Variants in FAM107B observed in about 807,000 individuals in gnomAD.
FAM107B encodes protein FAM107B.
In FAM107B, 21 loss-of-function variants were observed where a neutral mutation model predicts 31.5. That is an observed-to-expected ratio of 0.67 (90% CI 0.47 to 0.96). FAM107B has a LOEUF of 0.96. Ranked by LOEUF, FAM107B falls within the 40% of genes least tolerant of loss-of-function variation. FAM107B has a pLI of 0.00. For missense variants in FAM107B, 452 were observed against 377.1 expected, an observed-to-expected ratio of 1.20 and a Z score of -1.64; for synonymous variants, 157 against 141.5, an observed-to-expected ratio of 1.11 and a Z score of -0.78.
At chr10:14,633,523 T>C (rs1474343467) in intron 2 of FAM107B, among the ~76,000 whole-genome samples, 1 of 152,214 alleles carries the variant, frequency 6.6e-6, no homozygotes, top group Non-Finnish European at 1.5e-5. Context: ...GATTCATTCT[T>C]ACATTAACTT....
intron 2 of FAM107B, among the ~76,000 whole-genome samples, chr10:14,645,026 A>G (rs1484034559): frequency 6.6e-6 from 1 of 152,202 alleles, no homozygotes; most frequent in Non-Finnish European, 1.5e-5. Flanking sequence ...GTCACGGGGA[A>G]TCCATTTCCA....
intron 2 of FAM107B, among the ~76,000 whole-genome samples, chr10:14,658,966 G>A (rs1006362382): frequency 2.0e-5 from 3 of 152,186 alleles, no homozygotes; most frequent in Non-Finnish European, 4.4e-5. Flanking sequence ...AGAGTTGAAG[G>A]AAAGGTTGCA....
chr10:14,771,780 G>T (rs1833308325), intron 1 of FAM107B, among the ~76,000 whole-genome samples: 1 of 152,212 alleles, frequency 6.6e-6, no homozygotes. Context: ...GCTTTCCAAA[G>T]CTCTGGGTGA....
At chr10:14,527,937 C>A in intron 3 of FAM107B, 3 of 225,644 alleles carry the variant, frequency 1.3e-5, no homozygotes, top group South Asian at 4.3e-5. Flanking sequence ...TTGGTATTAC[C>A]TTGAAAACTC....
intron 1 of FAM107B, among the ~76,000 whole-genome samples, chr10:14,671,885 C>CA (rs1277490948): frequency 2.1e-4 from 8 of 38,744 alleles, no homozygotes; most frequent in Admixed American, 2.7e-4. Context: ...AAAAAAAAAA[C>CA]AAAAAAACAA....
intron 1 of FAM107B, among the ~76,000 whole-genome samples, chr10:14,750,133 CAT>C (rs1832798834): frequency 6.6e-6 from 1 of 152,210 alleles, no homozygotes; most frequent in Admixed American, 6.5e-5. Flanking sequence ...CCATTGGTAG[CAT>C]CCTCAAGGCT....
chr10:14,740,487 G>A (rs1328021536), intron 1 of FAM107B, among the ~76,000 whole-genome samples: 2 of 152,160 alleles, frequency 1.3e-5, no homozygotes, highest in Non-Finnish European at 2.9e-5. Flanking sequence ...AGAGATTTTA[G>A]GGCAGTGAAA....
chr10:14,628,398 GT>G (rs893129869), intron 2 of FAM107B, among the ~76,000 whole-genome samples: 1 of 152,124 alleles, frequency 6.6e-6, no homozygotes. Context: ...GATTACAGGC[GT>G]GAGCCACTGC....
chr10:14,539,131 G>A (rs1022470581), intron 2 of FAM107B, among the ~76,000 whole-genome samples: 12 of 152,178 alleles, frequency 7.9e-5, no homozygotes, highest in African/African-American at 9.7e-5. Context: ...GTGAATGACC[G>A]TATACCGCAA....
chr10:14,535,419 C>T (rs748800168), intron 2 of FAM107B, among the ~76,000 whole-genome samples: 1 of 152,228 alleles, frequency 6.6e-6, no homozygotes. Flanking sequence ...AGCAACATTA[C>T]ATACTTTATT....
chr10:14,586,152 C>T (rs1416390318), intron 2 of FAM107B, among the ~76,000 whole-genome samples: 1 of 152,138 alleles, frequency 6.6e-6, no homozygotes, highest in Non-Finnish European at 1.5e-5. Flanking sequence ...ACCCGAATTC[C>T]TCATGTGCTA....
At chr10:14,722,451 A>G (rs1855933179) in intron 1 of FAM107B, among the ~76,000 whole-genome samples, 2 of 152,124 alleles carry the variant, frequency 1.3e-5, no homozygotes, top group African/African-American at 4.8e-5. Context: ...GTTGATGGCT[A>G]TTGGGTTGTT....
chr10:14,604,941 T>C (rs930719401), intron 2 of FAM107B, among the ~76,000 whole-genome samples: 4 of 152,090 alleles, frequency 2.6e-5, no homozygotes, highest in African/African-American at 9.7e-5. Context: ...CCCCCATCTC[T>C]CTCTCTTATT....
chr10:14,594,510 A>AC (rs1272236844), intron 2 of FAM107B, among the ~76,000 whole-genome samples: 3 of 134,846 alleles, frequency 2.2e-5, no homozygotes, highest in East Asian at 2.7e-4. Context: ...CCAAAAAAAA[A>AC]AAAAAAACAA....
At chr10:14,671,426 T>G (rs898652419) in intron 1 of FAM107B, among the ~76,000 whole-genome samples, 1 of 152,140 alleles carries the variant, frequency 6.6e-6, no homozygotes, top group African/African-American at 2.4e-5. Flanking sequence ...CAACCCTTCC[T>G]GTTGGAATCC....
intron 2 of FAM107B, among the ~76,000 whole-genome samples, chr10:14,572,739 T>TTATATATATATA (rs61477094): frequency 2.2e-5 from 2 of 92,004 alleles, no homozygotes; most frequent in African/African-American, 7.6e-5. Context: ...AAAAAAAAAT[T>TTATATATATATA]TATATATATA....
chr10:14,731,223 C>A (rs947545593), intron 1 of FAM107B, among the ~76,000 whole-genome samples: 1 of 152,126 alleles, frequency 6.6e-6, no homozygotes, highest in Admixed American at 6.5e-5. Context: ...AGAAAAGGTG[C>A]TTGCCCTGTG....
In FAM107B at chr10:14,774,203, G is replaced by T. The variant is rs371694087; in HGVS notation, c.411+50C>A. 34 of 1,550,836 alleles carry T rather than the reference G, an allele frequency of 2.2e-5. No homozygotes were observed. The African/African-American group carries it at 4.5e-4, about 21-fold the overall frequency. On this transcript the variant is annotated intron_variant, in intron 1 of 4. Transcript: ENST00000181796. ...GAAACATTCGCCACATGATCCCAAC[G>T]CTCCTCCAGCTCCATCCCGTCTATA...
intron 2 of FAM107B, among the ~76,000 whole-genome samples, chr10:14,630,912 A>C (rs1328304109): frequency 2.0e-5 from 3 of 152,092 alleles, no homozygotes; most frequent in Admixed American, 6.6e-5. Flanking sequence ...TCAGTAAAGG[A>C]CCTTCAAATG....
Sources: gnomAD v4.1 joint callset for allele counts (sites outside exome capture counted in the v4.1 genomes callset) on GRCh38, gnomAD v4.1.1 for gene constraint, MANE v1.5 for transcripts, NCBI Gene and HGNC (gene_info 2026-07-23, HGNC 2026-07-21) for gene names.